Variants in ALDH2 observed in about 807,000 individuals in gnomAD.
ALDH2 encodes aldehyde dehydrogenase 2 family member.
Under a neutral mutation model 59.6 loss-of-function variants are expected in ALDH2, and 44 were observed. That is an observed-to-expected ratio of 0.74 (90% CI 0.58 to 0.95). ALDH2 has a LOEUF of 0.95. Among genes scored for constraint, ALDH2 ranks in the 40% least tolerant of loss-of-function variants. The pLI is 0.00. For synonymous variants in ALDH2, 291 were observed against 284.0 expected (o/e 1.02, Z -0.25); for missense variants, 570 against 696.3 (o/e 0.82, Z 2.04).
rs1302595131 is a variant in ALDH2 at position 111,811,790 on chromosome 12, C to A, written c.*2215C>A. ...TGCCCGGCCAACTGTAGGGACCAGC[C>A]CCACAGGGTCGGTGGGTTTTTCTCC... On this transcript the variant is annotated 3_prime_UTR_variant, in exon 13 of 13. Transcript: ENST00000261733. 1 of 153,532 alleles carries A rather than the reference C, an allele frequency of 6.5e-6. No homozygotes were observed. The highest frequency in any genetic ancestry group is 1.4e-5 in the Non-Finnish European group (1 of 69,146). 9.5% of individuals were successfully genotyped at this position (153,532 alleles called of 1,614,324 possible).
chr12:111,798,965 C>T (rs1268732422), intron 10 of ALDH2, among the ~76,000 whole-genome samples: 5 of 151,514 alleles, frequency 3.3e-5, no homozygotes, highest in African/African-American at 7.3e-5. Context: ...GCCGAGATCG[C>T]GCCACTGCAC....
At chr12:111,789,967 T>G (rs1482018907) in intron 5 of ALDH2, 33 bp downstream of exon 5, 2 of 1,588,358 alleles carry the variant, frequency 1.3e-6, no homozygotes, top group South Asian at 2.2e-5. Flanking sequence ...TTCTTCAGGG[T>G]GCCCTGAGAT....
rs1028804900 is a variant in ALDH2 at position 111,814,557 on chromosome 12, A to G, written c.*4982A>G. On this transcript the variant is annotated 3_prime_UTR_variant, in exon 13 of 13. Transcript: ENST00000261733. ...TGTCTCAAAAAAAAAAAAAAAAAAA[A>G]GTGGCCAGGTGGTGCCATGGCTCAT... 1 of 147,890 alleles carries G rather than the reference A, an allele frequency of 6.8e-6. No individual in the cohort carries two copies. The highest frequency in any genetic ancestry group is 2.2e-4 in the East Asian group (1 of 4,534). 9.2% of individuals were successfully genotyped at this position (147,890 alleles called of 1,614,324 possible).
At chr12:111,770,162 G>T (rs930807427) in intron 1 of ALDH2, among the ~76,000 whole-genome samples, 2 of 150,954 alleles carry the variant, frequency 1.3e-5, no homozygotes, top group Non-Finnish European at 2.9e-5. Context: ...AAAAAAATGT[G>T]GGGGGTAAAA....
At chr12:111,769,686 C>T (rs1302919210) in intron 1 of ALDH2, among the ~76,000 whole-genome samples, 1 of 151,924 alleles carries the variant, frequency 6.6e-6, no homozygotes, top group African/African-American at 2.4e-5. Context: ...CTCATTTAAC[C>T]CTTTCCAAGG....
chr12:111,778,706 C>T (rs1420074130), intron 1 of ALDH2, among the ~76,000 whole-genome samples: 2 of 151,820 alleles, frequency 1.3e-5, no homozygotes, highest in Non-Finnish European at 2.9e-5. Context: ...TGGTGGCAGG[C>T]GCCTATAGTC....
intron 4 of ALDH2, among the ~76,000 whole-genome samples, chr12:111,787,813 C>T (rs1003693317): frequency 7.2e-5 from 11 of 151,934 alleles, no homozygotes; most frequent in African/African-American, 9.7e-5. Flanking sequence ...GGGGGGATCA[C>T]GAGGTCAGGA....
chr12:111,797,082 G>A (rs2068411240), intron 9 of ALDH2, among the ~76,000 whole-genome samples: 2 of 150,878 alleles, frequency 1.3e-5, no homozygotes, highest in African/African-American at 4.9e-5. Context: ...GCCTCAGCAT[G>A]TGCCACCATG....
rs918720354 is a variant in ALDH2 at position 111,766,958 on chromosome 12, G to C, written c.-25G>C. On this transcript the variant is annotated 5_prime_UTR_variant, in exon 1 of 13. Coordinates refer to ENST00000261733, the MANE Select transcript of ALDH2 (RefSeq NM_000690.4). Reference sequence around the variant, plus strand: ...GAGACCCTAGCTCTGCTCTCGGTCCGCTCGCTGTCCGCTAGCCCGCTGCGA... The same window carrying C: ...GAGACCCTAGCTCTGCTCTCGGTCCCCTCGCTGTCCGCTAGCCCGCTGCGA... 51 of 1,513,264 alleles carry C rather than the reference G, an allele frequency of 3.4e-5. No homozygotes were observed. In the Admixed American group the frequency reaches 9.5e-4, roughly 28 times the overall value. 93.7% of individuals were successfully genotyped at this position (1,513,264 alleles called of 1,614,324 possible). A position where few individuals can be genotyped will look rare whatever the true frequency, so the allele number is the denominator to read the frequency against.
intron 8 of ALDH2, 108 bp downstream of exon 8, chr12:111,792,271 T>C (rs1299564564): frequency 2.4e-5 from 21 of 892,392 alleles, no homozygotes; most frequent in Non-Finnish European, 2.8e-5. Context: ...CGTTGGTTGC[T>C]GTCCCTCGGG....
At chr12:111,792,220 G>C in intron 8 of ALDH2, 57 bp downstream of exon 8, 1 of 1,359,840 alleles carries the variant, frequency 7.4e-7, no homozygotes, top group Non-Finnish European at 1.0e-6. Context: ...CACCTGTGTT[G>C]TGGCTCCAGC....
chr12:111,783,142 T>A lies in ALDH2; in HGVS notation c.220-16T>A. ...TGAGTTTTCCAGGAAGGCTTGAGTT[T>A]TCCTGTGTTTTCTAGGAAGATGTGG... On this transcript the variant is annotated splice_polypyrimidine_tract_variant and intron_variant, in intron 2 of 12. Transcript: ENST00000261733. 1 of 1,602,474 alleles carries A rather than the reference T, an allele frequency of 6.2e-7. No homozygotes were observed. The highest frequency in any genetic ancestry group is 8.5e-7 in the Non-Finnish European group (1 of 1,172,358).
rs1264006207 is a variant in ALDH2, at chr12:111,813,039, ATGTCTATCAAG to A, written c.*3466_*3476del. The A allele has an allele frequency of 6.6e-6, 1 of 152,228 alleles. No individual in the cohort carries two copies. The highest frequency in any genetic ancestry group is 1.5e-5 in the Non-Finnish European group (1 of 68,044). The allele number at this position is 152,228 out of a possible 1,614,324, so 9.4% of individuals were successfully genotyped here. ...GAAAGGAAATATTAGCTATGAAGAA[ATGTCTATCAAG>A]TTGATTTTGACAACCTAGACACATT... On this transcript the variant is annotated 3_prime_UTR_variant, in exon 13 of 13. Coordinates refer to ENST00000261733, the MANE Select transcript of ALDH2 (RefSeq NM_000690.4).
In ALDH2 at chr12:111,803,971, A is replaced by G; in HGVS notation, c.1519A>G (p.Thr507Ala). 2 of 1,604,348 alleles carry G rather than the reference A, an allele frequency of 1.2e-6. No individual in the cohort carries two copies. The highest frequency in any genetic ancestry group is 1.7e-6 in the Non-Finnish European group (2 of 1,174,788). The change falls in exon 12 of 13, where the codon ACT becomes GCT. Residue 507 changes from threonine (T) to alanine (A), a missense_variant and splice_region_variant. Transcript: ENST00000261733. ...GCTGCAGGCATACACTGAAGTGAAAACTGTGAGTGTGGGACCTGCTGGGGG... is the reference window on the plus strand; with the variant it reads ...GCTGCAGGCATACACTGAAGTGAAAGCTGTGAGTGTGGGACCTGCTGGGGG... ...YGLQAYTEVKTVTVKVPQKNS is the reference protein window; with the variant it reads ...YGLQAYTEVKAVTVKVPQKNS
rs894902433 is a variant in ALDH2, at chr12:111,812,348, A to G, written c.*2773A>G. 3 of 152,064 alleles carry G rather than the reference A, an allele frequency of 2.0e-5. No individual in the cohort carries two copies. Among genetic ancestry groups the G allele is most frequent in the Admixed American group, 6.6e-5 (1 of 15,248 alleles). 9.4% of individuals were successfully genotyped at this position (152,064 alleles called of 1,614,324 possible). On this transcript the variant is annotated 3_prime_UTR_variant, in exon 13 of 13. Transcript: ENST00000261733. ...CTCTTGTTGTTTTATATATTTTATT[A>G]TACTGGAACAGCTCGTGCCCTCGGT...
chr12:111,799,752 T>G (rs2068433756), intron 10 of ALDH2, 154 bp from the exon 11 acceptor site: 1 of 914,952 alleles, frequency 1.1e-6, no homozygotes, highest in African/African-American at 1.7e-5. Context: ...CTCTGTGTTC[T>G]GCTGAGCTTG....
Position 111,792,782 on chromosome 12 carries a change from G to C in ALDH2, c.1083G>C (p.Gln361His). 2 of 1,548,432 alleles carry C rather than the reference G, an allele frequency of 1.3e-6. No individual in the cohort carries two copies. Among genetic ancestry groups the C allele is most frequent in the South Asian group, 2.4e-5 (2 of 84,128 alleles). Residue 361 changes from glutamine to histidine, a missense_variant and splice_region_variant, in exon 9 of 13, where the codon CAG (glutamine) becomes CAC (histidine). Gln to His is a conservative substitution (Grantham distance 24). Coordinates refer to ENST00000261733, the MANE Select transcript of ALDH2 (RefSeq NM_000690.4). ...ATAGCAAGACCGAGCAGGGGCCGCAGGTGAGCCAGGCAGTGCCGCAGGGTC... is the reference window on the plus strand; with the variant it reads ...ATAGCAAGACCGAGCAGGGGCCGCACGTGAGCCAGGCAGTGCCGCAGGGTC... ...PFDSKTEQGP[Q>H]VDETQFKKIL...
chr12:111,779,151 T>C (rs2068253831), intron 1 of ALDH2, among the ~76,000 whole-genome samples: 1 of 150,782 alleles, frequency 6.6e-6, no homozygotes, highest in East Asian at 2.0e-4. Flanking sequence ...CCACTGTGCC[T>C]GGCCACCCAG....
chr12:111,788,281 G>A (rs939564527), intron 4 of ALDH2, among the ~76,000 whole-genome samples: 2 of 152,030 alleles, frequency 1.3e-5, no homozygotes, highest in Admixed American at 6.6e-5. Flanking sequence ...GGGCAATCAC[G>A]CCTCCCCGGG....
Sources: allele counts gnomAD v4.1 joint callset (sites outside exome capture counted in the v4.1 genomes callset), GRCh38; gene constraint gnomAD v4.1.1; transcripts MANE v1.5; gene names NCBI Gene and HGNC (gene_info 2026-07-23, HGNC 2026-07-21).